Variants in SUMF1 observed in about 807,000 individuals in gnomAD.
SUMF1 encodes the protein sulfatase modifying factor 1, also known as formylglycine-generating enzyme.
Under a neutral mutation model 47.6 loss-of-function variants are expected in SUMF1, and 48 were observed. That is an observed-to-expected ratio of 1.01 (90% CI 0.80 to 1.28). SUMF1 has a LOEUF of 1.28. Among genes scored for constraint, SUMF1 ranks in the 50% most tolerant of loss-of-function variants. The pLI is 0.00. For synonymous variants in SUMF1, 230 were observed against 192.1 expected, an observed-to-expected ratio of 1.20 and a Z score of -1.63; for missense variants, 571 against 485.4, an observed-to-expected ratio of 1.18 and a Z score of -1.66.
chr3:4,055,249 G>T (rs1224791188), intron 9 of SUMF1, among the ~76,000 whole-genome samples: 4 of 152,082 alleles, frequency 2.6e-5, no homozygotes, highest in Non-Finnish European at 5.9e-5. Flanking sequence ...AAAGCAGATT[G>T]TAAAACAATA....
intron 8 of SUMF1, among the ~76,000 whole-genome samples, chr3:4,149,728 G>C (rs962688431): frequency 2.0e-5 from 3 of 152,134 alleles, no homozygotes; most frequent in Admixed American, 2.0e-4. Context: ...TTGCAATTTG[G>C]GGTGAGGAAG....
chr3:4,266,644 T>C (rs562830291), intron 8 of SUMF1, among the ~76,000 whole-genome samples: 2 of 151,908 alleles, frequency 1.3e-5, no homozygotes, highest in East Asian at 3.9e-4. Flanking sequence ...TGGGGTTTTC[T>C]AGATATACAA....
chr3:4,449,156 G>A (rs964356479), intron 3 of SUMF1, 110 bp downstream of exon 3: 1 of 1,155,574 alleles, frequency 8.7e-7, no homozygotes, highest in African/African-American at 1.5e-5. Context: ...GCAGGAGAAT[G>A]GTTAGGTGTT....
At chr3:4,344,770 A>C (rs1044797119) in intron 8 of SUMF1, among the ~76,000 whole-genome samples, 1 of 152,150 alleles carries the variant, frequency 6.6e-6, no homozygotes, top group African/African-American at 2.4e-5. Context: ...CAATGCAAAG[A>C]AGCTAAGAAC....
chr3:4,142,042 T>C (rs1368510241), intron 8 of SUMF1, among the ~76,000 whole-genome samples: 1 of 152,174 alleles, frequency 6.6e-6, no homozygotes, highest in Non-Finnish European at 1.5e-5. Flanking sequence ...ATGAATGATT[T>C]TGATATGTAT....
At chr3:4,164,562 G>A (rs1020276033) in intron 8 of SUMF1, among the ~76,000 whole-genome samples, 2 of 152,148 alleles carry the variant, frequency 1.3e-5, no homozygotes, top group African/African-American at 2.4e-5. Context: ...AAACCACAAT[G>A]ATAACAAGCC....
intron 8 of SUMF1, among the ~76,000 whole-genome samples, chr3:4,164,320 C>G (rs1370043870): frequency 6.6e-6 from 1 of 152,146 alleles, no homozygotes; most frequent in Non-Finnish European, 1.5e-5. Flanking sequence ...AGTCAATTTC[C>G]TGGCCCTCAA....
chr3:4,242,858 C>G (rs1696573366), intron 8 of SUMF1, among the ~76,000 whole-genome samples: 1 of 152,174 alleles, frequency 6.6e-6, no homozygotes, highest in Non-Finnish European at 1.5e-5. Context: ...GGTACCAGCT[C>G]CTCTTTGTAC....
chr3:4,313,650 T>A (rs1306352214), intron 8 of SUMF1: 1 of 1,614,110 alleles, frequency 6.2e-7, no homozygotes, highest in Non-Finnish European at 8.5e-7. Flanking sequence ...TTGACAGTTC[T>A]CTGTACTGCC....
At chr3:4,320,570 C>CA (rs142641828) in intron 8 of SUMF1, among the ~76,000 whole-genome samples, 1,663 of 152,146 alleles carry the variant, frequency 0.011, 21 homozygotes, top group African/African-American at 0.037. Context: ...GAGGTGATGA[C>CA]AGTTATGAGA....
chr3:4,250,061 G>A (rs1696761934), intron 8 of SUMF1, among the ~76,000 whole-genome samples: 1 of 151,878 alleles, frequency 6.6e-6, no homozygotes, highest in South Asian at 2.1e-4. Context: ...GCACACACCT[G>A]TAATCCCAAC....
intron 9 of SUMF1, among the ~76,000 whole-genome samples, chr3:4,060,484 T>A (rs1695259803): frequency 6.6e-6 from 1 of 152,150 alleles, no homozygotes; most frequent in Non-Finnish European, 1.5e-5. Flanking sequence ...AAATTCAGAA[T>A]TTTTTGGACT....
intron 8 of SUMF1, among the ~76,000 whole-genome samples, chr3:4,116,389 CA>C: frequency 6.6e-6 from 1 of 152,134 alleles, no homozygotes; most frequent in East Asian, 1.9e-4. Context: ...TACTAACATA[CA>C]TAGTTGCTTT....
rs711647 is a variant in SUMF1, at chr3:4,435,207, T to A, written c.519+14059A>T. Among the ~76,000 whole-genome samples the A allele has an allele frequency of 1.2e-3, 188 of 152,270 alleles. 1 individual carries two copies. Among genetic ancestry groups the A allele is most frequent in the African/African-American group, 4.4e-3 (182 of 41,514 alleles). On this transcript the variant is annotated intron_variant, in intron 3 of 8. Transcript: ENST00000272902. The stretch of plus-strand genomic sequence containing the variant: ...CGCCCAAAGTGCTGGGACTACAGGC[T>A]TGAGCCACCGGGCCCAGACAAAGAC...
chr3:4,296,324 T>G (rs2125059831), intron 8 of SUMF1, among the ~76,000 whole-genome samples: 1 of 149,914 alleles, frequency 6.7e-6, no homozygotes, highest in Admixed American at 6.6e-5. Flanking sequence ...AAAAAAAGCT[T>G]ACCCATCTTT....
chr3:4,263,136 G>A (rs375983108), intron 8 of SUMF1, among the ~76,000 whole-genome samples: 32 of 152,198 alleles, frequency 2.1e-4, no homozygotes, highest in African/African-American at 6.7e-4. Flanking sequence ...TCATGTAAAG[G>A]TCAAGGGTTT....
At chr3:4,428,126 A>G (rs1702123137) in intron 3 of SUMF1, among the ~76,000 whole-genome samples, 1 of 152,252 alleles carries the variant, frequency 6.6e-6, no homozygotes, top group Non-Finnish European at 1.5e-5. Flanking sequence ...GTCATTAAAA[A>G]TTATATGCTG....
intron 8 of SUMF1, among the ~76,000 whole-genome samples, chr3:4,099,278 T>C (rs1692977207): frequency 6.6e-6 from 1 of 152,100 alleles, no homozygotes. Context: ...AAGTGAGAAT[T>C]ATCCCTGGGA....
intron 8 of SUMF1, among the ~76,000 whole-genome samples, chr3:4,072,513 G>A (rs906808588): frequency 2.0e-5 from 3 of 152,186 alleles, no homozygotes; most frequent in Non-Finnish European, 4.4e-5. Flanking sequence ...GGCTTCAGAA[G>A]GTGGATAATC....
Sources: gnomAD v4.1 joint callset for allele counts (sites outside exome capture counted in the v4.1 genomes callset) on GRCh38, gnomAD v4.1.1 for gene constraint, MANE v1.5 for transcripts, NCBI Gene and HGNC (gene_info 2026-07-23, HGNC 2026-07-21) for gene names.